XKR4: variants seen among roughly 807,000 people sequenced by gnomAD.
XKR4 encodes the protein XK related 4.
In XKR4, 12 loss-of-function variants were observed where a neutral mutation model predicts 53.9. The observed-to-expected ratio is 0.22, with a 90% CI of 0.14 to 0.36. The LOEUF (loss-of-function observed/expected upper bound fraction) is 0.36, where lower values mean the gene tolerates loss of function less well. Among genes scored for constraint, XKR4 ranks in the 10% least tolerant of loss-of-function variants. XKR4 has a pLI of 1.00. For synonymous variants in XKR4, 354 were observed against 362.4 expected, an observed-to-expected ratio of 0.98 and a Z score of 0.26; for missense variants, 799 against 859.5, an observed-to-expected ratio of 0.93 and a Z score of 0.88.
At chr8:55,451,368 G>A (rs1303541178) in intron 2 of XKR4, 2 of 700,492 alleles carry the variant, frequency 2.9e-6, no homozygotes, top group East Asian at 2.7e-5. Flanking sequence ...GACTCCCCAC[G>A]TGGGCTGAGG....
intron 2 of XKR4, among the ~76,000 whole-genome samples, chr8:55,424,639 A>T (rs1157817238): frequency 6.6e-6 from 1 of 152,246 alleles, no homozygotes; most frequent in Non-Finnish European, 1.5e-5. Context: ...AGTATCACAA[A>T]GAGAATATCC....
chr8:55,251,058 C>T (rs562336091), intron 1 of XKR4, among the ~76,000 whole-genome samples: 4 of 152,220 alleles, frequency 2.6e-5, no homozygotes, highest in South Asian at 2.1e-4. Flanking sequence ...TATAGGTGTA[C>T]GTATAGATAT....
intron 1 of XKR4, among the ~76,000 whole-genome samples, chr8:55,261,383 A>G (rs1263436897): frequency 6.6e-6 from 1 of 152,304 alleles, no homozygotes; most frequent in African/African-American, 2.4e-5. Context: ...AACTTAAAAT[A>G]TGTTTTCTAA....
intron 1 of XKR4, among the ~76,000 whole-genome samples, chr8:55,285,203 C>T (rs1379651035): frequency 6.6e-6 from 1 of 152,106 alleles, no homozygotes; most frequent in East Asian, 1.9e-4. Context: ...CTGATTGGAT[C>T]TCCACACTTA....
At chr8:55,476,350 C>A (rs570337230) in intron 2 of XKR4, among the ~76,000 whole-genome samples, 1 of 152,042 alleles carries the variant, frequency 6.6e-6, no homozygotes, top group Non-Finnish European at 1.5e-5. Flanking sequence ...ATGCTCCCCC[C>A]AGAGGTCAAA....
chr8:55,305,088 G>A (rs1208280643), intron 1 of XKR4, among the ~76,000 whole-genome samples: 2 of 152,110 alleles, frequency 1.3e-5, no homozygotes, highest in African/African-American at 4.8e-5. Context: ...AGTGGCGATG[G>A]GACTACAGGG....
At chr8:55,135,634 G>T (rs540160567) in intron 1 of XKR4, 87 of 456,216 alleles carry the variant, frequency 1.9e-4, no homozygotes, top group Non-Finnish European at 3.3e-4. Flanking sequence ...AGGACAGATG[G>T]CTCCCTGGAT....
chr8:55,454,018 G>A, intron 2 of XKR4: 1 of 887,500 alleles, frequency 1.1e-6, no homozygotes, highest in Admixed American at 1.9e-5. Context: ...GAATGCACAC[G>A]ACGTGCAGGC....
At chr8:55,104,001 G>A (rs1816102282) in intron 1 of XKR4, among the ~76,000 whole-genome samples, 1 of 151,398 alleles carries the variant, frequency 6.6e-6, no homozygotes, top group Non-Finnish European at 1.5e-5. Context: ...ATAATTACAA[G>A]CCTTTGGAAA....
Position 55,523,510 on chromosome 8 carries a change from G to A in XKR4, c.1236G>A (p.Met412Ile), listed in dbSNP as rs1806832843. The A allele has an allele frequency of 6.2e-7, 1 of 1,614,206 alleles. No individual in the cohort carries two copies. The highest frequency in any genetic ancestry group is 1.1e-5 in the South Asian group (1 of 91,076). Residue 412 changes from methionine (M) to isoleucine (I), a missense_variant, in exon 3 of 3, where the codon ATG becomes ATA. Physicochemically the swap from Met to Ile is conservative, Grantham distance 10. This residue lies in a region of XKR4 where 54 missense variants were observed against 89.7 expected (regional missense o/e 0.60). Coordinates refer to ENST00000327381, the MANE Select transcript of XKR4 (RefSeq NM_052898.2). ...TCATCGTCCTTCACTGGTGCATCAT[G>A]ACCTTCTGGATCGTCCACTGTGAGA... Reference protein sequence around the residue: ...GIFIVLHWCIMTFWIVHCETE... With the variant: ...GIFIVLHWCIITFWIVHCETE...
Position 55,186,605 on chromosome 8 carries a change from G to A in XKR4, c.806+83311G>A, listed in dbSNP as rs183890786. Among the ~76,000 whole-genome samples the A allele has an allele frequency of 8.5e-4, 129 of 152,238 alleles. 1 individual carries two copies. The East Asian group carries it at 0.02, about 24-fold the overall frequency. On this transcript the variant is annotated intron_variant, in intron 1 of 2. Coordinates refer to ENST00000327381, the MANE Select transcript of XKR4 (RefSeq NM_052898.2). ...CAGGAGGCAGAGTTTGCAGTGAGCC[G>A]AGACGGTGCCACTGCACTCCAGCCT...
At chr8:55,465,804 A>G (rs1475557420) in intron 2 of XKR4, among the ~76,000 whole-genome samples, 1 of 151,960 alleles carries the variant, frequency 6.6e-6, no homozygotes, top group Non-Finnish European at 1.5e-5. Context: ...AAAACAAACA[A>G]CCCCATCAAA....
intron 1 of XKR4, among the ~76,000 whole-genome samples, chr8:55,307,217 G>A (rs191130917): frequency 2.8e-4 from 42 of 152,258 alleles, no homozygotes; most frequent in East Asian, 2.5e-3. Context: ...TGCGGACTGC[G>A]AGAAAATATT....
chr8:55,390,054 A>C (rs1038434028), intron 2 of XKR4, among the ~76,000 whole-genome samples: 3 of 152,216 alleles, frequency 2.0e-5, no homozygotes, highest in African/African-American at 4.8e-5. Context: ...AAACTTTAAC[A>C]AATGGAAACT....
At chr8:55,207,579 G>C (rs1305283052) in intron 1 of XKR4, among the ~76,000 whole-genome samples, 3 of 151,784 alleles carry the variant, frequency 2.0e-5, no homozygotes, top group Non-Finnish European at 4.4e-5. Flanking sequence ...CTCAATTACT[G>C]TCCATTCTCT....
intron 2 of XKR4, among the ~76,000 whole-genome samples, chr8:55,433,081 A>T (rs951523673): frequency 6.6e-6 from 1 of 152,240 alleles, no homozygotes; most frequent in Non-Finnish European, 1.5e-5. Flanking sequence ...ATTCAAATTC[A>T]CTTTTTAAAA....
At chr8:55,214,376 C>A (rs1817773549) in intron 1 of XKR4, among the ~76,000 whole-genome samples, 1 of 152,110 alleles carries the variant, frequency 6.6e-6, no homozygotes, top group African/African-American at 2.4e-5. Context: ...TTTCACAGTG[C>A]TTAACTTAGT....
intron 1 of XKR4, among the ~76,000 whole-genome samples, chr8:55,333,741 T>C (rs183229534): frequency 6.5e-4 from 99 of 152,208 alleles, no homozygotes; most frequent in African/African-American, 2.3e-3. Flanking sequence ...TCTGAAGATG[T>C]CCCCAGACAA....
intron 1 of XKR4, among the ~76,000 whole-genome samples, chr8:55,226,203 A>G (rs956360328): frequency 2.0e-5 from 3 of 152,268 alleles, no homozygotes; most frequent in African/African-American, 4.8e-5. Flanking sequence ...ATTTATTTGA[A>G]GATTCATGAA....
Sources: gnomAD v4.1 joint callset for allele counts (sites outside exome capture counted in the v4.1 genomes callset) on GRCh38, gnomAD v4.1.1 for gene constraint, gnomAD v4.1.1 regional missense constraint, MANE v1.5 for transcripts, NCBI Gene and HGNC (gene_info 2026-07-23, HGNC 2026-07-21) for gene names.